SEMA3A: variants seen among roughly 807,000 people sequenced by gnomAD.
SEMA3A encodes semaphorin 3A.
A neutral mutation model predicts 97.9 loss-of-function variants in SEMA3A; 29 were observed. The ratio of observed to expected loss-of-function variants is 0.30; its 90% confidence interval spans 0.22 to 0.40. The LOEUF (loss-of-function observed/expected upper bound fraction) is 0.40. SEMA3A is among the 10% of genes least tolerant of loss of function. SEMA3A has a pLI of 1.00. For synonymous variants in SEMA3A, 321 were observed against 323.7 expected, an observed-to-expected ratio of 0.99 and a Z score of 0.09; for missense variants, 763 against 951.3, an observed-to-expected ratio of 0.80 and a Z score of 2.60.
chr7:84,292,592 A>C (rs1244873644), intron 3 of SEMA3A, among the ~76,000 whole-genome samples: 1 of 152,044 alleles, frequency 6.6e-6, no homozygotes, highest in African/African-American at 2.4e-5. Flanking sequence ...ATTGAAGCCA[A>C]TACTACGTAA....
chr7:84,165,408 CA>C (rs979389520), intron 1 of SEMA3A, among the ~76,000 whole-genome samples: 1 of 151,908 alleles, frequency 6.6e-6, no homozygotes, highest in African/African-American at 2.4e-5. Context: ...ATTTAGGTAA[CA>C]CCTGATGCCA....
chr7:84,302,876 T>G (rs548237599), intron 3 of SEMA3A, among the ~76,000 whole-genome samples: 2 of 152,150 alleles, frequency 1.3e-5, no homozygotes, highest in Admixed American at 1.3e-4. Flanking sequence ...AATTTCTTAA[T>G]GTAAACACTG....
intron 2 of SEMA3A, among the ~76,000 whole-genome samples, chr7:84,312,917 TATATAC>T (rs1338929130): frequency 6.4e-3 from 243 of 38,096 alleles, no homozygotes; most frequent in Middle Eastern, 0.033. Context: ...TATATATATA[TATATAC>T]ACACACACAC....
intron 3 of SEMA3A, among the ~76,000 whole-genome samples, chr7:84,287,603 C>G (rs1800623481): frequency 1.3e-5 from 2 of 152,004 alleles, no homozygotes; most frequent in African/African-American, 2.4e-5. Context: ...TTTTCCCTAT[C>G]TATATATTCG....
chr7:84,208,443 G>A (rs557058550), intron 3 of SEMA3A, among the ~76,000 whole-genome samples: 3 of 150,810 alleles, frequency 2.0e-5, no homozygotes, highest in East Asian at 1.9e-4. Context: ...CAGAGACTCC[G>A]TCTCAAAAAA....
intron 1 of SEMA3A, among the ~76,000 whole-genome samples, chr7:84,400,211 G>A (rs1803863299): frequency 6.6e-6 from 1 of 152,120 alleles, no homozygotes; most frequent in Non-Finnish European, 1.5e-5. Flanking sequence ...AGAATAAATA[G>A]TCTTCAATGC....
chr7:83,968,190 A>G (rs1415055941), intron 15 of SEMA3A, among the ~76,000 whole-genome samples: 1 of 152,220 alleles, frequency 6.6e-6, no homozygotes, highest in Non-Finnish European at 1.5e-5. Context: ...GAAATCTTAT[A>G]TATTGAGGAT....
intron 15 of SEMA3A, among the ~76,000 whole-genome samples, chr7:83,973,976 G>A (rs1462792470): frequency 1.3e-5 from 2 of 151,346 alleles, no homozygotes; most frequent in Admixed American, 1.3e-4. Flanking sequence ...AAAATGGGAA[G>A]TGGTTTATAG....
At chr7:84,361,772 G>T (rs77774594) in intron 2 of SEMA3A, among the ~76,000 whole-genome samples, 2 of 151,948 alleles carry the variant, frequency 1.3e-5, no homozygotes, top group African/African-American at 4.8e-5. Context: ...AATTAAAAGG[G>T]TCAGAGAAGC....
chr7:84,432,805 T>C (rs1805016225), intron 1 of SEMA3A, among the ~76,000 whole-genome samples: 1 of 152,108 alleles, frequency 6.6e-6, no homozygotes, highest in Non-Finnish European at 1.5e-5. Flanking sequence ...GACATCTAGG[T>C]TGATTCCATA....
At chr7:84,233,396 TA>T (rs1277106157) in intron 3 of SEMA3A, among the ~76,000 whole-genome samples, 1 of 151,984 alleles carries the variant, frequency 6.6e-6, no homozygotes, top group Non-Finnish European at 1.5e-5. Flanking sequence ...AGAAGCAAGG[TA>T]AATAGCATTT....
At chr7:84,170,416 C>T (rs1379073662) in intron 1 of SEMA3A, among the ~76,000 whole-genome samples, 2 of 151,850 alleles carry the variant, frequency 1.3e-5, no homozygotes, top group Admixed American at 6.6e-5. Context: ...TTCAGTGGTG[C>T]TTTTTATGCT....
At chr7:84,009,671 T>A (rs1790798395) in intron 9 of SEMA3A, among the ~76,000 whole-genome samples, 1 of 152,004 alleles carries the variant, frequency 6.6e-6, no homozygotes, top group African/African-American at 2.4e-5. Flanking sequence ...TTATACTGAA[T>A]GTAATAGTCT....
At chr7:83,981,501 T>G (rs1239209556) in intron 13 of SEMA3A, 23 bp from the exon 14 acceptor site, 2 of 1,542,654 alleles carry the variant, frequency 1.3e-6, no homozygotes, top group Non-Finnish European at 1.7e-6. Flanking sequence ...TTTACTGCTG[T>G]GACAAAAACT....
chr7:84,452,344 T>A (rs1805576808), intron 1 of SEMA3A, among the ~76,000 whole-genome samples: 1 of 152,202 alleles, frequency 6.6e-6, no homozygotes, highest in Non-Finnish European at 1.5e-5. Context: ...CCATAAGGCT[T>A]CCTTTATGAA....
chr7:84,258,452 A>T (rs1477369948), intron 3 of SEMA3A, among the ~76,000 whole-genome samples: 1 of 152,178 alleles, frequency 6.6e-6, no homozygotes, highest in Non-Finnish European at 1.5e-5. Context: ...ATCCAAAGAA[A>T]GATTTATATG....
intron 3 of SEMA3A, among the ~76,000 whole-genome samples, chr7:84,243,546 T>C (rs1799414862): frequency 6.6e-6 from 1 of 152,188 alleles, no homozygotes. Context: ...TCTTCTTCTT[T>C]ATTAGTTTGC....
intron 1 of SEMA3A, among the ~76,000 whole-genome samples, chr7:84,145,839 CT>C (rs1298907577): frequency 1.1e-4 from 16 of 151,796 alleles, no homozygotes; most frequent in African/African-American, 3.1e-4. Context: ...AAATGTAATG[CT>C]TTTATTAAAA....
chr7:83,979,525 C>G (rs143575167), intron 14 of SEMA3A, among the ~76,000 whole-genome samples: 417 of 152,224 alleles, frequency 2.7e-3, no homozygotes, highest in African/African-American at 9.8e-3. Flanking sequence ...AATGTTACTG[C>G]TGTAAAGACT....
Sources: gnomAD v4.1 joint callset for allele counts (sites outside exome capture counted in the v4.1 genomes callset) on GRCh38, gnomAD v4.1.1 for gene constraint, MANE v1.5 for transcripts, NCBI Gene and HGNC (gene_info 2026-07-23, HGNC 2026-07-21) for gene names.